Variants in COL23A1 observed in about 807,000 individuals in gnomAD.
COL23A1 encodes collagen type XXIII alpha 1 chain.
In COL23A1, 97 loss-of-function variants were observed where a neutral mutation model predicts 99.3. That is an observed-to-expected ratio of 0.98 (90% CI 0.83 to 1.16). COL23A1 has a LOEUF of 1.16. Ranked by LOEUF, COL23A1 falls within the 50% of genes most tolerant of loss-of-function variation. The pLI is 0.00. For synonymous variants in COL23A1, 320 were observed against 308.2 expected (o/e 1.04, Z -0.40); for missense variants, 762 against 757.4 (o/e 1.01, Z -0.07).
intron 2 of COL23A1, among the ~76,000 whole-genome samples, chr5:178,316,451 G>C (rs1320911423): frequency 6.6e-6 from 1 of 152,134 alleles, no homozygotes; most frequent in Non-Finnish European, 1.5e-5. Context: ...ATTAAGCCTT[G>C]GCTGGATTTC....
chr5:178,542,804 CTG>C (rs1264570498), intron 2 of COL23A1, among the ~76,000 whole-genome samples: 14 of 152,138 alleles, frequency 9.2e-5, no homozygotes, highest in Non-Finnish European at 2.1e-4. Context: ...GGCCGGGCCT[CTG>C]GGGTTCATTT....
At chr5:178,538,163 C>T (rs754194144) in intron 2 of COL23A1, among the ~76,000 whole-genome samples, 7 of 152,210 alleles carry the variant, frequency 4.6e-5, no homozygotes, top group Non-Finnish European at 8.8e-5. Flanking sequence ...GGAGATGTTC[C>T]TCCCTCCTCC....
chr5:178,529,241 A>G (rs1760500360), intron 2 of COL23A1, among the ~76,000 whole-genome samples: 1 of 151,982 alleles, frequency 6.6e-6, no homozygotes, highest in Admixed American at 6.5e-5. Context: ...GCAAGAGGAC[A>G]ACCATAATGA....
chr5:178,549,292 A>C (rs1562079888), intron 2 of COL23A1, among the ~76,000 whole-genome samples: 1 of 151,932 alleles, frequency 6.6e-6, no homozygotes, highest in Non-Finnish European at 1.5e-5. Context: ...CCATGCCCGG[A>C]CCCATACAAA....
intron 2 of COL23A1, among the ~76,000 whole-genome samples, chr5:178,403,071 G>A (rs375092399): frequency 1.1e-4 from 15 of 133,400 alleles, no homozygotes; most frequent in Admixed American, 6.5e-4. Context: ...GTCGTGCCAC[G>A]GCACTCCAGC....
chr5:178,578,733 C>G lies in COL23A1; in HGVS notation c.294+11171G>C, dbSNP rs1054089395. 2.1e-5 allele frequency among the ~76,000 whole-genome samples: 3 copies of G among 140,752 alleles called. No individual in the cohort carries two copies. The South Asian group carries it at 7.2e-4, about 34-fold the overall frequency. The allele number at this position is 140,752 out of a possible 152,430, so 92.3% of individuals were successfully genotyped here. On this transcript the variant is annotated intron_variant, in intron 1 of 28. Coordinates refer to ENST00000390654, the MANE Select transcript of COL23A1 (RefSeq NM_173465.4). ...GATTTTCTCATTTCCCAGTGTGAAG[C>G]GAAGCAGATGTGTGTGAAGCCTCTA...
At chr5:178,518,926 G>A (rs1408971090) in intron 2 of COL23A1, among the ~76,000 whole-genome samples, 1 of 93,326 alleles carries the variant, frequency 1.1e-5, no homozygotes, top group Non-Finnish European at 2.0e-5. Context: ...CCCGGCGGTC[G>A]GGCGGCGGCG....
rs372144347 is a variant in COL23A1 at position 178,567,355 on chromosome 5, CA to C, written c.295-6608del. ...AATTCTAGGGCCAAGGCAGAAAAAA[CA>C]CAAGATGAGCCTGGAGTCTTACAGT... On this transcript the variant is annotated intron_variant, in intron 1 of 28. Coordinates refer to ENST00000390654, the MANE Select transcript of COL23A1 (RefSeq NM_173465.4). Among the ~76,000 whole-genome samples, 79 of 152,286 alleles carry C rather than the reference CA, an allele frequency of 5.2e-4. No homozygotes were observed. In the East Asian group the frequency reaches 0.012, roughly 23 times the overall value.
chr5:178,351,903 CTGTG>C (rs1488573940), intron 2 of COL23A1: 2 of 143,934 alleles, frequency 1.4e-5, no homozygotes, highest in African/African-American at 2.6e-5. Flanking sequence ...CCAGAGCTCT[CTGTG>C]TCTTTGCCAG....
At chr5:178,579,066 C>G (rs926310636) in intron 1 of COL23A1, among the ~76,000 whole-genome samples, 1 of 152,294 alleles carries the variant, frequency 6.6e-6, no homozygotes, top group Non-Finnish European at 1.5e-5. Flanking sequence ...TTCTCTGCTC[C>G]TTGACTCAGA....
At chr5:178,455,757 C>T (rs1767751510) in intron 2 of COL23A1, among the ~76,000 whole-genome samples, 1 of 152,072 alleles carries the variant, frequency 6.6e-6, no homozygotes, top group Admixed American at 6.5e-5. Flanking sequence ...ACGAGGAGGT[C>T]AGAGCGGAGG....
chr5:178,371,377 C>T lies in COL23A1; in HGVS notation c.362-64458G>A, dbSNP rs1206481791. On this transcript the variant is annotated intron_variant, in intron 2 of 28. Transcript: ENST00000390654. ...CAGTTGACTCTCAAATCCTCACATGCAGGCATGCCCCAGCAGGGAGGACGA... is the reference window on the plus strand; with the variant it reads ...CAGTTGACTCTCAAATCCTCACATGTAGGCATGCCCCAGCAGGGAGGACGA... 2.6e-5 allele frequency among the ~76,000 whole-genome samples: 4 copies of T among 152,208 alleles called. No individual in the cohort carries two copies. In the South Asian group the frequency reaches 6.2e-4, roughly 24 times the overall value.
Position 178,281,509 on chromosome 5 carries a change from T to A in COL23A1, c.441+6815A>T, listed in dbSNP as rs1031335299. Among the ~76,000 whole-genome samples, 4 of 152,066 alleles carry A rather than the reference T, an allele frequency of 2.6e-5. No homozygotes were observed. Among genetic ancestry groups the A allele is most frequent in the Non-Finnish European group, 5.9e-5 (4 of 68,016 alleles). On this transcript the variant is annotated intron_variant, in intron 5 of 28. Transcript: ENST00000390654. This position sits in a 1 kb window ranked among gnomAD's most constrained non-coding sequence, Gnocchi z 4.0. Reference sequence around the variant, plus strand: ...GAAGTGCAGTCACCGCTCCCTCGACTCCAGAGGGGCTTGGGCACGGCGCTC... The same window carrying A: ...GAAGTGCAGTCACCGCTCCCTCGACACCAGAGGGGCTTGGGCACGGCGCTC...
At chr5:178,573,762 A>C (rs1237158297) in intron 1 of COL23A1, among the ~76,000 whole-genome samples, 1 of 152,196 alleles carries the variant, frequency 6.6e-6, no homozygotes, top group Non-Finnish European at 1.5e-5. Context: ...TAATACAAAG[A>C]GTTATTGATA....
intron 2 of COL23A1, among the ~76,000 whole-genome samples, chr5:178,531,584 G>A (rs1197997733): frequency 6.6e-6 from 1 of 152,198 alleles, no homozygotes; most frequent in Non-Finnish European, 1.5e-5. Context: ...TAATCCCCCC[G>A]TGTTTAAGTT....
intron 2 of COL23A1, among the ~76,000 whole-genome samples, chr5:178,543,153 G>A (rs1189659397): frequency 6.6e-6 from 1 of 151,948 alleles, no homozygotes; most frequent in Non-Finnish European, 1.5e-5. Context: ...TGTCGCCCAG[G>A]CTGGAGTGCA....
At chr5:178,429,271 C>T (rs1019053148) in intron 2 of COL23A1, among the ~76,000 whole-genome samples, 11 of 152,152 alleles carry the variant, frequency 7.2e-5, no homozygotes, top group African/African-American at 2.4e-4. Flanking sequence ...CTACCTCAAG[C>T]CCAGCACCCC....
intron 2 of COL23A1, among the ~76,000 whole-genome samples, chr5:178,406,510 A>G (rs933937090): frequency 6.6e-6 from 1 of 151,398 alleles, no homozygotes; most frequent in Admixed American, 6.6e-5. Flanking sequence ...GCTCACTGCA[A>G]TCTCCGCCTC....
At position 178,248,172 on chromosome 5, in the gene COL23A1, A is replaced by T; in HGVS notation, c.1212+20T>A. The T allele has an allele frequency of 6.6e-7, 1 of 1,507,780 alleles. No homozygotes were observed. The highest frequency in any genetic ancestry group is 9.1e-7 in the Non-Finnish European group (1 of 1,097,592). The allele number at this position is 1,507,780 out of a possible 1,614,324, so 93.4% of individuals were successfully genotyped here. On this transcript the variant is annotated intron_variant, in intron 20 of 28. Coordinates refer to ENST00000390654, the MANE Select transcript of COL23A1 (RefSeq NM_173465.4). Reference sequence around the variant, plus strand: ...GGACTGGGTGTTGGGGGAAGCCCTGACCCCCCCATACCCCCTTACCAGGCT... The same window carrying T: ...GGACTGGGTGTTGGGGGAAGCCCTGTCCCCCCCATACCCCCTTACCAGGCT...
Sources: gnomAD v4.1 joint callset for allele counts (sites outside exome capture counted in the v4.1 genomes callset) on GRCh38, gnomAD v4.1.1 for gene constraint, Gnocchi (gnomAD v3.1) non-coding constraint, MANE v1.5 for transcripts, NCBI Gene and HGNC (gene_info 2026-07-23, HGNC 2026-07-21) for gene names.